DOCK8: variants seen among roughly 807,000 people sequenced by gnomAD.
DOCK8 encodes dedicator of cytokinesis protein 8.
DOCK8 carries 141 observed loss-of-function variants against 245.6 expected under a neutral mutation model. That is an observed-to-expected ratio of 0.57 (90% CI 0.50 to 0.66). The LOEUF is 0.66. Among genes scored for constraint, DOCK8 ranks in the 30% least tolerant of loss-of-function variants. DOCK8 has a pLI of 0.00. For missense variants in DOCK8, 2,965 were observed against 2,603.4 expected, an observed-to-expected ratio of 1.14 and a Z score of -3.02; for synonymous variants, 1,168 against 970.2, an observed-to-expected ratio of 1.20 and a Z score of -3.79.
chr9:384,792 T>C (rs2053879590), intron 22 of DOCK8, among the ~76,000 whole-genome samples: 1 of 152,072 alleles, frequency 6.6e-6, no homozygotes, highest in African/African-American at 2.4e-5. Context: ...GGCGGGCGCC[T>C]GTAATCCCAG....
At chr9:408,870 A>G (rs113061387) in intron 28 of DOCK8, among the ~76,000 whole-genome samples, 5,543 of 63,536 alleles carry the variant, frequency 0.087, 362 homozygotes, top group African/African-American at 0.26. Flanking sequence ...AAACACACAC[A>G]CACACACACA....
chr9:318,325 C>G (rs565257937), intron 7 of DOCK8, among the ~76,000 whole-genome samples: 27 of 152,332 alleles, frequency 1.8e-4, no homozygotes, highest in African/African-American at 6.5e-4. Flanking sequence ...TCATAGGTCC[C>G]TTCAGCGGCC....
chr9:348,708 CTT>C (rs1171038639), intron 14 of DOCK8, among the ~76,000 whole-genome samples: 1 of 152,062 alleles, frequency 6.6e-6, no homozygotes, highest in African/African-American at 2.4e-5. Flanking sequence ...GATTTCTATA[CTT>C]TTGTTAGTTT....
intron 1 of DOCK8, among the ~76,000 whole-genome samples, chr9:217,086 G>C (rs558428694): frequency 7.9e-4 from 120 of 152,172 alleles, no homozygotes; most frequent in Non-Finnish European, 1.5e-3. Context: ...CCAAGTGCTG[G>C]ATGTGTAACA....
chr9:379,959 C>G (rs1563986566), intron 21 of DOCK8, 24 bp downstream of exon 21: 1 of 1,610,288 alleles, frequency 6.2e-7, no homozygotes, highest in Admixed American at 1.7e-5. Flanking sequence ...GAGTGTGGGA[C>G]TCTGGTGGGC....
intron 1 of DOCK8, among the ~76,000 whole-genome samples, chr9:230,078 C>T (rs1392616356): frequency 2.0e-4 from 28 of 137,486 alleles, no homozygotes; most frequent in Admixed American, 6.9e-4. Context: ...CAACAGTCCC[C>T]GGTGTGTGAT....
At chr9:289,686 T>TG (rs1458531709) in intron 4 of DOCK8, 105 bp downstream of exon 4, 4 of 1,037,068 alleles carry the variant, frequency 3.9e-6, no homozygotes, top group Non-Finnish European at 5.7e-6. Flanking sequence ...ACAGAAAAAT[T>TG]GCATGGCAAA....
intron 30 of DOCK8, among the ~76,000 whole-genome samples, chr9:419,395 A>G (rs1413309583): frequency 6.6e-6 from 1 of 152,122 alleles, no homozygotes; most frequent in African/African-American, 2.4e-5. Flanking sequence ...CCTTTCTAAT[A>G]TCCGTCTTAC....
At position 277,469 on chromosome 9, in the gene DOCK8, GA is replaced by G. The variant is rs1563865214; in HGVS notation, c.156+5741del. Among the ~76,000 whole-genome samples, 79 of 138,488 alleles carry G rather than the reference GA, an allele frequency of 5.7e-4. 4 individuals are homozygous for G. The highest frequency in any genetic ancestry group is 1.8e-3 in the African/African-American group (53 of 30,238). 90.9% of individuals were successfully genotyped at this position (138,488 alleles called of 152,430 possible). On this transcript the variant is annotated intron_variant, in intron 2 of 47. Coordinates refer to ENST00000432829, the MANE Select transcript of DOCK8 (RefSeq NM_203447.4). ...AGGAGAAGAGAAAGAGAGAAGAGAA[GA>G]GAAGAGAAGAGAAGAGAAGACATAC...
At chr9:350,729 A>G (rs1586769246) in intron 14 of DOCK8, among the ~76,000 whole-genome samples, 1 of 152,296 alleles carries the variant, frequency 6.6e-6, no homozygotes. Flanking sequence ...CTCTCCCTGC[A>G]TTATTTTGAA....
rs1269171018 is a variant in DOCK8, at chr9:465,008, A to G, written c.*789A>G. 6.6e-6 allele frequency: 1 copy of G among 152,340 alleles called. No homozygotes were observed. The highest frequency in any genetic ancestry group is 2.4e-5 in the African/African-American group (1 of 41,384). The allele number at this position is 152,340 out of a possible 1,614,324, so 9.4% of individuals were successfully genotyped here. A position where few individuals can be genotyped will look rare whatever the true frequency, so the allele number is the denominator to read the frequency against. The stretch of plus-strand genomic sequence containing the variant: ...CTTATGTCACTCTTGTGTACTATCT[A>G]TTTTTCTCCTCTCTGGGACCAAGTT... On this transcript the variant is annotated 3_prime_UTR_variant, in exon 48 of 48. Transcript: ENST00000432829.
chr9:369,873 C>T, intron 15 of DOCK8: 1 of 311,670 alleles, frequency 3.2e-6, no homozygotes, highest in East Asian at 7.9e-5. Flanking sequence ...GCAATCTCGA[C>T]TCACTGCAAC....
intron 21 of DOCK8, among the ~76,000 whole-genome samples, chr9:381,551 A>G (rs910002273): frequency 2.0e-5 from 3 of 152,246 alleles, no homozygotes; most frequent in Admixed American, 1.3e-4. Context: ...TGATATAAAA[A>G]TTAGTGTCAG....
intron 2 of DOCK8, among the ~76,000 whole-genome samples, chr9:276,300 AAAGACC>A (rs2048344185): frequency 1.3e-5 from 2 of 152,238 alleles, no homozygotes; most frequent in Non-Finnish European, 2.9e-5. Flanking sequence ...TGTAGTAAGC[AAAGACC>A]ACTTACTAAC....
In DOCK8 at chr9:271,639, G is replaced by T. The variant is rs561397821; in HGVS notation, c.66G>T (p.Ala22=). 7 of 1,549,360 alleles carry T rather than the reference G, an allele frequency of 4.5e-6. No individual in the cohort carries two copies. The East Asian group carries it at 1.7e-4, about 38-fold the overall frequency. ...ATTTTAATCCAAGGTATTCTTCAGC[G>T]GAAATAAGGAAACAGTTTACTCTCC... ...FALKINRYSS[A]EIRKQFTLPP... The change falls in exon 2 of 48, where the codon GCG becomes GCT. Residue 22 remains alanine, a synonymous_variant. Transcript: ENST00000432829.
chr9:425,516 G>T (rs1448940592), intron 33 of DOCK8, among the ~76,000 whole-genome samples: 1 of 148,856 alleles, frequency 6.7e-6, no homozygotes, highest in Admixed American at 6.7e-5. Context: ...TCCAGCCTGG[G>T]CGACAGAGGG....
intron 7 of DOCK8, among the ~76,000 whole-genome samples, chr9:324,407 T>A (rs1207984289): frequency 6.6e-6 from 1 of 152,238 alleles, no homozygotes; most frequent in South Asian, 2.1e-4. Flanking sequence ...TCTCTGCAGG[T>A]AACATCCAAA....
rs974080648 is a variant in DOCK8 at position 342,748 on chromosome 9, G to C, written c.1679+2427G>C. 2.6e-5 allele frequency among the ~76,000 whole-genome samples: 4 copies of C among 152,280 alleles called. No homozygotes were observed. In the East Asian group the frequency reaches 5.8e-4, roughly 22 times the overall value. ...CTCCCAAAGTGCTGGGATTACAGGT[G>C]TGAGCCACCATGCCCATCCTGTTAT... On this transcript the variant is annotated intron_variant, in intron 14 of 47. Transcript: ENST00000432829.
At chr9:286,762 G>C in intron 3 of DOCK8, 126 bp downstream of exon 3, 1 of 911,044 alleles carries the variant, frequency 1.1e-6, no homozygotes, top group Non-Finnish European at 1.8e-6. Context: ...ATTCAAATGT[G>C]TGGGACAGCT....
Sources: allele counts gnomAD v4.1 joint callset (sites outside exome capture counted in the v4.1 genomes callset), GRCh38; gene constraint gnomAD v4.1.1; transcripts MANE v1.5; gene names NCBI Gene and HGNC (gene_info 2026-07-23, HGNC 2026-07-21).